Variants in TRIM36 observed in about 807,000 individuals in gnomAD.
TRIM36 encodes tripartite motif containing 36.
TRIM36 carries 42 observed loss-of-function variants against 72.4 expected under a neutral mutation model. That is an observed-to-expected ratio of 0.58 (90% CI 0.45 to 0.75). TRIM36 has a LOEUF of 0.75. Ranked by LOEUF, TRIM36 falls within the 30% of genes least tolerant of loss-of-function variation. The pLI, the probability that TRIM36 is intolerant of heterozygous loss-of-function variation, is 0.00. For missense variants in TRIM36, 913 were observed against 857.1 expected, an observed-to-expected ratio of 1.07 and a Z score of -0.81; for synonymous variants, 315 against 282.8, an observed-to-expected ratio of 1.11 and a Z score of -1.14.
intron 1 of TRIM36, among the ~76,000 whole-genome samples, chr5:115,164,300 T>C (rs974685067): frequency 2.0e-5 from 3 of 152,238 alleles, no homozygotes; most frequent in Non-Finnish European, 4.4e-5. Context: ...CATTAATGCC[T>C]GAGGTTCTCA....
At chr5:115,178,732 C>A (rs1411223506) in intron 1 of TRIM36, among the ~76,000 whole-genome samples, 3 of 152,098 alleles carry the variant, frequency 2.0e-5, no homozygotes, top group Non-Finnish European at 4.4e-5. Context: ...TAGGGGAGGC[C>A]CAAGACACAG....
At position 115,125,087 on chromosome 5, in the gene TRIM36, T is replaced by C. The variant is rs1752313090; in HGVS notation, c.*1416A>G. Reference sequence around the variant, plus strand: ...TTGAGTTGAGGGTAAAAAGCTAATTTAATGCTACCAGCCTGAGTAACAGAT... The same window carrying C: ...TTGAGTTGAGGGTAAAAAGCTAATTCAATGCTACCAGCCTGAGTAACAGAT... On this transcript the variant is annotated 3_prime_UTR_variant, in exon 10 of 10. Coordinates refer to ENST00000513154, the MANE Select transcript of TRIM36 (RefSeq NM_001300759.2). 6.6e-6 allele frequency: 1 copy of C among 152,536 alleles called. No individual in the cohort carries two copies. The highest frequency in any genetic ancestry group is 1.5e-5 in the Non-Finnish European group (1 of 67,962). 9.4% of individuals were successfully genotyped at this position (152,536 alleles called of 1,614,324 possible).
upstream of TRIM36, among the ~76,000 whole-genome samples, chr5:115,171,844 G>A (rs942233207): frequency 1.3e-5 from 2 of 152,140 alleles, no homozygotes; most frequent in African/African-American, 4.8e-5. Context: ...AAATACTTAT[G>A]CAGTGGGCAC....
intron 7 of TRIM36, among the ~76,000 whole-genome samples, chr5:115,134,396 CCA>C (rs1211012285): frequency 6.6e-6 from 1 of 151,888 alleles, no homozygotes. Flanking sequence ...TGACTCAAAG[CCA>C]CAAGTAAATT....
chr5:115,134,755 T>C (rs1460898309), intron 7 of TRIM36, among the ~76,000 whole-genome samples: 1 of 152,188 alleles, frequency 6.6e-6, no homozygotes, highest in Non-Finnish European at 1.5e-5. Flanking sequence ...TTAGCCAGGA[T>C]GTTCTCGATC....
upstream of TRIM36, chr5:115,171,284 A>G: frequency 1.3e-6 from 2 of 1,597,382 alleles, no homozygotes; most frequent in Non-Finnish European, 1.7e-6. Flanking sequence ...CTAATGGAAT[A>G]CCCTCCATTT....
chr5:115,126,765 T>G lies in TRIM36; in HGVS notation c.1889A>C (p.Lys630Thr). 3.7e-6 allele frequency: 6 copies of G among 1,614,164 alleles called. No homozygotes were observed. The highest frequency in any genetic ancestry group is 5.1e-6 in the Non-Finnish European group (6 of 1,180,034). ...AGTAGGTGACTTGGGTATAAAAAAT[T>G]TCTGCATGCCTATAGTAACTAAGGT... ...PFTLVTIGMQ[K>T]FFIPKSPTSS... The change falls in exon 10 of 10, where the codon AAA becomes ACA. Residue 630 changes from lysine (K) to threonine (T), a missense_variant. By Grantham distance (78) the Lys-to-Thr change is moderately conservative. Coordinates refer to ENST00000513154, the MANE Select transcript of TRIM36 (RefSeq NM_001300759.2).
chr5:115,178,546 A>G (rs1053185635), intron 1 of TRIM36, among the ~76,000 whole-genome samples: 14 of 152,128 alleles, frequency 9.2e-5, no homozygotes, highest in Admixed American at 8.5e-4. Flanking sequence ...GTGGGCCGCA[A>G]TATGCACCCT....
Position 115,178,743 on chromosome 5 carries a change from C to T in TRIM36, c.63+1232G>A, listed in dbSNP as rs566329082. Among the ~76,000 whole-genome samples, 12 of 152,294 alleles carry T rather than the reference C, an allele frequency of 7.9e-5. No homozygotes were observed. The South Asian group carries it at 1.9e-3, about 24-fold the overall frequency. On this transcript the variant is annotated intron_variant, in intron 1 of 9. Coordinates refer to the TRIM36 transcript ENST00000282369. The stretch of plus-strand genomic sequence containing the variant: ...ATGGTAGGGGAGGCCCAAGACACAG[C>T]TTCACTTTCGAAATGTTAATGAATA...
chr5:115,143,757 G>A (rs2112827452), intron 4 of TRIM36, among the ~76,000 whole-genome samples: 1 of 152,244 alleles, frequency 6.6e-6, no homozygotes, highest in Admixed American at 6.5e-5. Context: ...TTGTTTAAAG[G>A]GAAAAAGAAT....
chr5:115,138,221 T>G (rs1753069722), intron 5 of TRIM36, among the ~76,000 whole-genome samples: 1 of 152,146 alleles, frequency 6.6e-6, no homozygotes, highest in Admixed American at 6.5e-5. Flanking sequence ...TGCCTCAGCC[T>G]CCCAAGTAGC....
Position 115,134,147 on chromosome 5 carries a change from C to A in TRIM36, c.1211G>T (p.Gly404Val), listed in dbSNP as rs1752838336. The stretch of plus-strand genomic sequence containing the variant: ...CTCATTGATCTCTGGCACGTCTATG[C>A]CTGAAAGAATTATGAAATAGAAAAC... Reference protein sequence around the residue: ...LLGELSFFSSGIDVPEINEEQ... With the variant: ...LLGELSFFSSVIDVPEINEEQ... The change falls in exon 8 of 10, where the codon GGC (glycine) becomes GTC (valine). Residue 404 changes from glycine to valine, a missense_variant and splice_region_variant. Transcript: ENST00000513154. 4 of 1,549,934 alleles carry A rather than the reference C, an allele frequency of 2.6e-6. No homozygotes were observed. The highest frequency in any genetic ancestry group is 1.2e-5 in the South Asian group (1 of 80,472).
At chr5:115,162,674 G>C (rs1754544817) in intron 2 of TRIM36, among the ~76,000 whole-genome samples, 1 of 151,478 alleles carries the variant, frequency 6.6e-6, no homozygotes, top group African/African-American at 2.4e-5. Context: ...ATCAAGCATG[G>C]GTTCCCAATT....
intron 1 of TRIM36, among the ~76,000 whole-genome samples, chr5:115,175,571 G>A (rs1254161836): frequency 1.3e-5 from 2 of 152,022 alleles, no homozygotes; most frequent in African/African-American, 4.8e-5. Context: ...GCCCACAGGT[G>A]AGTATACAAC....
chr5:115,151,367 T>G (rs992201950), intron 2 of TRIM36, among the ~76,000 whole-genome samples: 11 of 152,178 alleles, frequency 7.2e-5, no homozygotes, highest in African/African-American at 2.7e-4. Flanking sequence ...CCGCAGCAGC[T>G]GCAGCAAGAG....
intron 2 of TRIM36, among the ~76,000 whole-genome samples, chr5:115,161,152 A>G (rs941486810): frequency 6.6e-6 from 1 of 152,164 alleles, no homozygotes; most frequent in Non-Finnish European, 1.5e-5. Context: ...TAGTAATTAC[A>G]GCTGTTATAA....
chr5:115,160,866 G>A (rs1047208520), intron 2 of TRIM36, among the ~76,000 whole-genome samples: 2 of 151,906 alleles, frequency 1.3e-5, no homozygotes, highest in Non-Finnish European at 2.9e-5. Flanking sequence ...ATGTCTAAAG[G>A]ATAAAAACTT....
chr5:115,141,805 G>A (rs1348186716), intron 4 of TRIM36, among the ~76,000 whole-genome samples: 8 of 152,060 alleles, frequency 5.3e-5, no homozygotes, highest in Non-Finnish European at 2.9e-5. Flanking sequence ...TACACAATAG[G>A]AGTAGCAACA....
intron 2 of TRIM36, among the ~76,000 whole-genome samples, chr5:115,161,866 T>C (rs144853697): frequency 8.3e-4 from 127 of 152,352 alleles, no homozygotes; most frequent in African/African-American, 2.9e-3. Context: ...GTCCTATATT[T>C]ATTATGCCTG....
Sources: gnomAD v4.1 joint callset for allele counts (sites outside exome capture counted in the v4.1 genomes callset) on GRCh38, gnomAD v4.1.1 for gene constraint, MANE v1.5 for transcripts, NCBI Gene and HGNC (gene_info 2026-07-23, HGNC 2026-07-21) for gene names.